Variants in SLCO2B1 observed in about 807,000 individuals in gnomAD.
SLCO2B1 encodes solute carrier organic anion transporter family member 2B1, also known as OATP-RP2.
Under a neutral mutation model 67.3 loss-of-function variants are expected in SLCO2B1, and 41 were observed. The ratio of observed to expected loss-of-function variants is 0.61; its 90% confidence interval spans 0.47 to 0.79. The LOEUF is 0.79. SLCO2B1 is among the 30% of genes least tolerant of loss of function. The pLI is 0.00. For missense variants in SLCO2B1, 837 were observed against 920.1 expected, an observed-to-expected ratio of 0.91 and a Z score of 1.17; for synonymous variants, 379 against 381.4, an observed-to-expected ratio of 0.99 and a Z score of 0.07.
chr11:75,160,146 G>A (rs996393573), intron 1 of SLCO2B1, among the ~76,000 whole-genome samples: 1 of 152,226 alleles, frequency 6.6e-6, no homozygotes, highest in Non-Finnish European at 1.5e-5. Context: ...TCTGCTCCCA[G>A]CCTCAGCTCC....
rs1945202535 is a variant in SLCO2B1, at chr11:75,202,811, G to A, written c.1764-90G>A. 4.3e-5 allele frequency: 48 copies of A among 1,115,782 alleles called. 1 individual carries two copies. The South Asian group carries it at 6.0e-4, about 14-fold the overall frequency. 69.1% of individuals were successfully genotyped at this position (1,115,782 alleles called of 1,614,324 possible). A position where few individuals can be genotyped will look rare whatever the true frequency, so the allele number is the denominator to read the frequency against. ...GCTGGCTCTGGGTGGTGGGAGAGAA[G>A]GGCATAATAAGAACCCTTCAACGTT... On this transcript the variant is annotated intron_variant, in intron 11 of 13. Transcript: ENST00000289575.
Position 75,176,882 on chromosome 11 carries a change from G to A in SLCO2B1, c.972+4313G>A, listed in dbSNP as rs544056183. 6.7e-4 allele frequency among the ~76,000 whole-genome samples: 102 copies of A among 152,288 alleles called. 1 individual carries two copies. In the South Asian group the frequency reaches 0.02, roughly 30 times the overall value. Reference sequence around the variant, plus strand: ...CTAGACCCTGCTGCATCTCACTGACGGAGGGATTGGCCCATAGAGGGTTAA... The same window carrying A: ...CTAGACCCTGCTGCATCTCACTGACAGAGGGATTGGCCCATAGAGGGTTAA... On this transcript the variant is annotated intron_variant, in intron 7 of 13. Coordinates refer to ENST00000289575, the MANE Select transcript of SLCO2B1 (RefSeq NM_007256.5).
intron 1 of SLCO2B1, among the ~76,000 whole-genome samples, chr11:75,152,819 C>T (rs1018423791): frequency 1.3e-5 from 2 of 152,144 alleles, no homozygotes; most frequent in Admixed American, 6.5e-5. Context: ...CCTTGCTTCC[C>T]GAGACCCATT....
At chr11:75,181,140 A>G (rs1950086927) in intron 7 of SLCO2B1, among the ~76,000 whole-genome samples, 1 of 152,142 alleles carries the variant, frequency 6.6e-6, no homozygotes, top group South Asian at 2.1e-4. Context: ...AGGCTGAGGC[A>G]GGTGGATTAC....
Position 75,193,663 on chromosome 11 carries a change from GCAAC to G in SLCO2B1, c.1433+90_1433+93del. ...CCTGGGCAGAGGCCAGGATGGCAGG[GCAAC>G]CCCTGCCTCAAATCTTGCCTCCCCA... On this transcript the variant is annotated intron_variant, in intron 9 of 13. Transcript: ENST00000289575. The surrounding 1 kb of genome is among the most constrained non-coding windows in gnomAD (Gnocchi z 4.2). 3.3e-6 allele frequency: 4 copies of G among 1,216,842 alleles called. No individual in the cohort carries two copies. The highest frequency in any genetic ancestry group is 3.4e-6 in the Non-Finnish European group (3 of 883,270). The allele number at this position is 1,216,842 out of a possible 1,614,324, so 75.4% of individuals were successfully genotyped here.
At chr11:75,195,371 AC>A (rs1370478938) in intron 9 of SLCO2B1, among the ~76,000 whole-genome samples, 4 of 142,568 alleles carry the variant, frequency 2.8e-5, no homozygotes, top group African/African-American at 7.9e-5. Context: ...TCCCACCCCC[AC>A]CCCGAGGGAG....
chr11:75,200,224 G>T lies in SLCO2B1; in HGVS notation c.1600G>T (p.Val534Phe), dbSNP rs1192680517. 6.2e-7 allele frequency: 1 copy of T among 1,609,228 alleles called. No individual in the cohort carries two copies. Among genetic ancestry groups the T allele is most frequent in the East Asian group, 2.2e-5 (1 of 44,690 alleles). The change falls in exon 11 of 14, where the codon GTT (valine) becomes TTT (phenylalanine). Residue 534 changes from valine to phenylalanine, a missense_variant and splice_region_variant. Coordinates refer to ENST00000289575, the MANE Select transcript of SLCO2B1 (RefSeq NM_007256.5). ...TCTCTTCCTCCTCTTCCCACTCCAGGTTTTCTACACCAACTGCAGCTGCGT... is the reference window on the plus strand; with the variant it reads ...TCTCTTCCTCCTCTTCCCACTCCAGTTTTTCTACACCAACTGCAGCTGCGT... Reference protein sequence around the residue: ...VVQDALDNSQVFYTNCSCVVE... With the variant: ...VVQDALDNSQFFYTNCSCVVE...
intron 7 of SLCO2B1, among the ~76,000 whole-genome samples, chr11:75,179,959 T>G (rs559839562): frequency 8.4e-4 from 127 of 150,906 alleles, no homozygotes; most frequent in African/African-American, 3.0e-3. Flanking sequence ...CCCAAAGTGT[T>G]GGGGTTACAG....
chr11:75,168,720 C>T (rs1301626897), intron 4 of SLCO2B1, among the ~76,000 whole-genome samples: 1 of 152,182 alleles, frequency 6.6e-6, no homozygotes, highest in Non-Finnish European at 1.5e-5. Flanking sequence ...TCTCCCGGCA[C>T]GGTGCCCTTT....
At chr11:75,178,105 A>AAC (rs1555140420) in intron 7 of SLCO2B1, among the ~76,000 whole-genome samples, 12 of 151,658 alleles carry the variant, frequency 7.9e-5, no homozygotes, top group African/African-American at 2.2e-4. Flanking sequence ...AAAAAAAAAA[A>AAC]AAAACAAAAA....
At chr11:75,197,770 T>G (rs1458871600) in intron 10 of SLCO2B1, among the ~76,000 whole-genome samples, 2 of 152,232 alleles carry the variant, frequency 1.3e-5, no homozygotes, top group Non-Finnish European at 2.9e-5. Context: ...GGCCCTGTTC[T>G]GGGAGCTGAG....
intron 7 of SLCO2B1, among the ~76,000 whole-genome samples, chr11:75,186,113 C>T (rs191648212): frequency 2.6e-5 from 4 of 152,210 alleles, no homozygotes; most frequent in Non-Finnish European, 4.4e-5. Context: ...CTGATTCTAA[C>T]GCCTCTGACA....
chr11:75,206,368 A>G lies in SLCO2B1; in HGVS notation c.*1788A>G, dbSNP rs1945276984. The G allele has an allele frequency of 6.6e-6, 1 of 152,166 alleles. No individual in the cohort carries two copies. The highest frequency in any genetic ancestry group is 2.4e-5 in the African/African-American group (1 of 41,432). 9.4% of individuals were successfully genotyped at this position (152,166 alleles called of 1,614,324 possible). A position where few individuals can be genotyped will look rare whatever the true frequency, so the allele number is the denominator to read the frequency against. On this transcript the variant is annotated 3_prime_UTR_variant, in exon 14 of 14. Coordinates refer to ENST00000289575, the MANE Select transcript of SLCO2B1 (RefSeq NM_007256.5). ...TTTACTGGATTCATTGCTCACCATT[A>G]TTGCTTGTATATTACATCTTTTCCA...
rs910760713 is a variant in SLCO2B1, at chr11:75,204,727, CCT to C, written c.*153_*154del. On this transcript the variant is annotated 3_prime_UTR_variant, in exon 14 of 14. Transcript: ENST00000289575. ...GTGTGACTTCAGGCAAGACATTGAT[CCT>C]CTCTCAGCCTTTGCTTGCTAGTCTG... is the stretch of plus-strand genomic sequence containing the variant. The C allele has an allele frequency of 1.6e-6, 1 of 615,250 alleles. No individual in the cohort carries two copies. Among genetic ancestry groups the C allele is most frequent in the East Asian group, 3.2e-5 (1 of 31,034 alleles). The allele number at this position is 615,250 out of a possible 1,614,324, so 38.1% of individuals were successfully genotyped here. A position where few individuals can be genotyped will look rare whatever the true frequency, so the allele number is the denominator to read the frequency against.
chr11:75,162,922 A>AG (rs1165726341), intron 2 of SLCO2B1, 137 bp downstream of exon 2: 6 of 1,083,692 alleles, frequency 5.5e-6, no homozygotes, highest in Non-Finnish European at 7.8e-6. Context: ...TGAGGATCAA[A>AG]GGGATGATCT....
chr11:75,195,395 G>A (rs1376691383), intron 9 of SLCO2B1, among the ~76,000 whole-genome samples: 2 of 151,742 alleles, frequency 1.3e-5, no homozygotes, highest in East Asian at 1.9e-4. Context: ...GTGCCAAGAT[G>A]TTGTCAGACA....
intron 13 of SLCO2B1, 170 bp downstream of exon 13, chr11:75,203,597 C>A: frequency 2.6e-6 from 2 of 775,134 alleles, no homozygotes; most frequent in Non-Finnish European, 4.1e-6. Context: ...ACACTGCCCC[C>A]CTCCTTTTAT....
At chr11:75,163,452 C>T (rs1422534331) in intron 2 of SLCO2B1, among the ~76,000 whole-genome samples, 2 of 151,916 alleles carry the variant, frequency 1.3e-5, no homozygotes, top group Non-Finnish European at 2.9e-5. Flanking sequence ...TGGGAGAGGA[C>T]TAGTGGGGGT....
rs550731011 is a variant in SLCO2B1, at chr11:75,195,979, A to T, written c.1434-535A>T. 3.3e-5 allele frequency among the ~76,000 whole-genome samples: 5 copies of T among 152,304 alleles called. No homozygotes were observed. The South Asian group carries it at 1.0e-3, about 32-fold the overall frequency. ...TGGGAACAGGCCCTTGGAGGGAGGC[A>T]AGTGGGACTAAAATGTGCCCTGGAC... is the stretch of plus-strand genomic sequence containing the variant. On this transcript the variant is annotated intron_variant, in intron 9 of 13. Transcript: ENST00000289575.
Sources: gnomAD v4.1 joint callset for allele counts (sites outside exome capture counted in the v4.1 genomes callset) on GRCh38, gnomAD v4.1.1 for gene constraint, Gnocchi (gnomAD v3.1) non-coding constraint, MANE v1.5 for transcripts, NCBI Gene and HGNC (gene_info 2026-07-23, HGNC 2026-07-21) for gene names.